The following GPATCH2 variants were observed in gnomAD, a reference collection of about 807,000 sequenced individuals.
GPATCH2 encodes G-patch domain containing 2.
Under a neutral mutation model 58.0 loss-of-function variants are expected in GPATCH2, and 51 were observed. The observed-to-expected ratio is 0.88, with a 90% CI of 0.70 to 1.11. GPATCH2 has a LOEUF of 1.11. GPATCH2 is among the 50% of genes most tolerant of loss of function. The pLI is 0.00. For synonymous variants in GPATCH2, 222 were observed against 218.5 expected, an observed-to-expected ratio of 1.02 and a Z score of -0.14; for missense variants, 625 against 652.2, an observed-to-expected ratio of 0.96 and a Z score of 0.45.
intron 8 of GPATCH2, among the ~76,000 whole-genome samples, chr1:217,474,391 C>T (rs751742994): frequency 6.6e-6 from 1 of 152,164 alleles, no homozygotes; most frequent in South Asian, 2.1e-4. Context: ...AATTCTTCTG[C>T]ACTCATAATT....
chr1:217,551,045 A>C (rs1210185363), intron 5 of GPATCH2, among the ~76,000 whole-genome samples: 1 of 151,796 alleles, frequency 6.6e-6, no homozygotes, highest in Non-Finnish European at 1.5e-5. Flanking sequence ...TCATAATTTG[A>C]AATAATATTT....
chr1:217,433,592 C>T (rs1658660952), intron 9 of GPATCH2, among the ~76,000 whole-genome samples: 1 of 151,938 alleles, frequency 6.6e-6, no homozygotes, highest in Non-Finnish European at 1.5e-5. Context: ...GAAAGGATTT[C>T]ACCATGTTGG....
chr1:217,440,088 A>C (rs1411530679), intron 9 of GPATCH2, among the ~76,000 whole-genome samples: 1 of 152,248 alleles, frequency 6.6e-6, no homozygotes, highest in Non-Finnish European at 1.5e-5. Context: ...AATATCCCTG[A>C]TGAACATCGA....
intron 5 of GPATCH2, among the ~76,000 whole-genome samples, chr1:217,551,125 A>G (rs1210928135): frequency 1.3e-5 from 2 of 151,764 alleles, no homozygotes; most frequent in Non-Finnish European, 2.9e-5. Flanking sequence ...AAATCATGAA[A>G]AAAAAAAACA....
chr1:217,612,158 AC>A (rs1262001527), intron 3 of GPATCH2, among the ~76,000 whole-genome samples: 1 of 151,986 alleles, frequency 6.6e-6, no homozygotes, highest in Non-Finnish European at 1.5e-5. Context: ...TCCAGCCTGG[AC>A]CACAGGGCGA....
intron 9 of GPATCH2, among the ~76,000 whole-genome samples, chr1:217,439,166 T>C: frequency 6.6e-6 from 1 of 151,884 alleles, no homozygotes; most frequent in Non-Finnish European, 1.5e-5. Context: ...ATCATAACAG[T>C]CTCTCAGACC....
chr1:217,544,255 G>A (rs576470545), intron 5 of GPATCH2, among the ~76,000 whole-genome samples: 5 of 152,262 alleles, frequency 3.3e-5, no homozygotes, highest in African/African-American at 1.2e-4. Context: ...TTAGCCGGAT[G>A]TGGTGGTACA....
Position 217,608,776 on chromosome 1 carries a change from A to G in GPATCH2, c.1098+1545T>C, listed in dbSNP as rs1668482111. 4 of 983,174 alleles carry G rather than the reference A, an allele frequency of 4.1e-6. No individual in the cohort carries two copies. In the South Asian group the frequency reaches 1.9e-4, roughly 46 times the overall value. The allele number at this position is 983,174 out of a possible 1,614,324, so 60.9% of individuals were successfully genotyped here. A position where few individuals can be genotyped will look rare whatever the true frequency, so the allele number is the denominator to read the frequency against. ...GAAAAAAAACATGAATTTTCACTCC[A>G]AAGACATAGCACAGAAAAGCTTACT... is the stretch of plus-strand genomic sequence containing the variant. On this transcript the variant is annotated intron_variant, in intron 5 of 9. Coordinates refer to ENST00000366935, the MANE Select transcript of GPATCH2 (RefSeq NM_018040.5).
chr1:217,580,314 G>C (rs1254693667), intron 5 of GPATCH2, among the ~76,000 whole-genome samples: 1 of 152,024 alleles, frequency 6.6e-6, no homozygotes, highest in African/African-American at 2.4e-5. Flanking sequence ...ACAAAGGATG[G>C]GGAAAAAGAT....
chr1:217,564,021 G>T (rs1341012341), intron 5 of GPATCH2, among the ~76,000 whole-genome samples: 4 of 116,126 alleles, frequency 3.4e-5, no homozygotes, highest in South Asian at 2.8e-4. Context: ...TCCAGCCTGC[G>T]CAACAACAGC....
intron 5 of GPATCH2, among the ~76,000 whole-genome samples, chr1:217,593,841 C>A (rs1235359318): frequency 2.6e-5 from 4 of 151,838 alleles, no homozygotes; most frequent in Admixed American, 1.3e-4. Context: ...ACTGCGTTAA[C>A]CTAAAAAAGC....
chr1:217,475,995 T>C (rs563166163), intron 8 of GPATCH2, among the ~76,000 whole-genome samples: 8 of 151,350 alleles, frequency 5.3e-5, no homozygotes, highest in Non-Finnish European at 1.0e-4. Context: ...GCCTGAAAAA[T>C]GGAGGGCTCC....
chr1:217,463,944 C>A (rs1368612757), intron 8 of GPATCH2, among the ~76,000 whole-genome samples: 2 of 152,058 alleles, frequency 1.3e-5, no homozygotes, highest in Admixed American at 6.6e-5. Flanking sequence ...ATCACCTAGC[C>A]TAATGTCTTT....
chr1:217,498,671 C>A, intron 6 of GPATCH2: 1 of 531,816 alleles, frequency 1.9e-6, no homozygotes, highest in Non-Finnish European at 3.3e-6. Context: ...GGACTGTATT[C>A]ATTTTATGAA....
chr1:217,587,972 T>C (rs914435242), intron 5 of GPATCH2, among the ~76,000 whole-genome samples: 3 of 152,150 alleles, frequency 2.0e-5, no homozygotes, highest in African/African-American at 7.2e-5. Context: ...ATTGAACTTA[T>C]CTTTGGATCC....
intron 5 of GPATCH2, among the ~76,000 whole-genome samples, chr1:217,564,088 C>T (rs1052333879): frequency 1.7e-5 from 2 of 119,304 alleles, no homozygotes; most frequent in Non-Finnish European, 3.5e-5. Context: ...TGTATAAAAA[C>T]GATAATTTAT....
At chr1:217,565,018 C>CA (rs898624790) in intron 5 of GPATCH2, among the ~76,000 whole-genome samples, 64 of 152,168 alleles carry the variant, frequency 4.2e-4, no homozygotes, top group African/African-American at 1.5e-3. Context: ...GTGCTGAGCA[C>CA]AAAAAACAGG....
At chr1:217,577,354 T>C (rs12142589) in intron 5 of GPATCH2, among the ~76,000 whole-genome samples, 23,922 of 152,174 alleles carry the variant, frequency 0.16, 2,425 homozygotes, top group Non-Finnish European at 0.22. Flanking sequence ...GATCTTTGAC[T>C]CTATGGAGAC....
At chr1:217,620,591 A>C in intron 1 of GPATCH2, 92 bp from the exon 2 acceptor site, 1 of 733,444 alleles carries the variant, frequency 1.4e-6, no homozygotes, top group Non-Finnish European at 2.3e-6. Context: ...TAAATTCGAC[A>C]AAAATTAATG....
Sources: gnomAD v4.1 joint callset for allele counts (sites outside exome capture counted in the v4.1 genomes callset) on GRCh38, gnomAD v4.1.1 for gene constraint, MANE v1.5 for transcripts, NCBI Gene and HGNC (gene_info 2026-07-23, HGNC 2026-07-21) for gene names.